Variants in DYSF observed in about 807,000 individuals in gnomAD.
DYSF encodes the protein dystrophy-associated fer-1-like 1.
A neutral mutation model predicts 274.9 loss-of-function variants in DYSF; 212 were observed. The observed-to-expected ratio is 0.77, with a 90% CI of 0.69 to 0.86. DYSF has a LOEUF of 0.86. Ranked by LOEUF, DYSF falls within the 40% of genes least tolerant of loss-of-function variation. The pLI is 0.00. For synonymous variants in DYSF, 1,091 were observed against 1,078.7 expected (o/e 1.01, Z -0.22); for missense variants, 2,666 against 2,783.2 (o/e 0.96, Z 0.95).
At chr2:71,672,092 C>T (rs558363607) in intron 51 of DYSF, among the ~76,000 whole-genome samples, 7 of 150,428 alleles carry the variant, frequency 4.7e-5, no homozygotes, top group East Asian at 1.9e-4. Flanking sequence ...GAAGGAGGGG[C>T]GGAGAAGGTC....
intron 41 of DYSF, among the ~76,000 whole-genome samples, chr2:71,632,853 C>T (rs1297189065): frequency 1.3e-5 from 2 of 152,238 alleles, no homozygotes; most frequent in African/African-American, 2.4e-5. Flanking sequence ...CCCCGACTCT[C>T]TGTGAGTCCC....
chr2:71,519,263 A>G, intron 10 of DYSF, among the ~76,000 whole-genome samples: 1 of 152,136 alleles, frequency 6.6e-6, no homozygotes, highest in East Asian at 1.9e-4. Flanking sequence ...TTTTAAAAGA[A>G]TGAGCTTGAG....
chr2:71,549,508 C>T (rs892377109), intron 17 of DYSF: 5 of 1,008,792 alleles, frequency 5.0e-6, no homozygotes, highest in Non-Finnish European at 7.6e-6. Flanking sequence ...ATTGAGATTC[C>T]CCCACAAAGG....
intron 16 of DYSF, among the ~76,000 whole-genome samples, chr2:71,537,088 C>A (rs2089419527): frequency 1.3e-5 from 2 of 152,092 alleles, no homozygotes; most frequent in African/African-American, 2.4e-5. Flanking sequence ...GGTCAGAAAT[C>A]CAATTCCTTT....
At chr2:71,561,620 C>A (rs994711042) in intron 22 of DYSF, 132 bp from the exon 23 acceptor site, 5 of 970,436 alleles carry the variant, frequency 5.2e-6, no homozygotes, top group African/African-American at 1.6e-5. Flanking sequence ...GTGTGTGGAG[C>A]GGGCTGGAGA....
chr2:71,660,584 A>G lies in DYSF; in HGVS notation c.4936A>G (p.Ile1646Val), dbSNP rs138357301. 2.3e-4 allele frequency: 372 copies of G among 1,613,252 alleles called. No homozygotes were observed. The highest frequency in any genetic ancestry group is 3.0e-4 in the Non-Finnish European group (349 of 1,179,412). ...GTGTGATCCTTACATCAAGATCTCC[A>G]TAGGGAAGAAATCAGTGAGTGACCA... is the stretch of plus-strand genomic sequence containing the variant. ...GKCDPYIKISIGKKSVSDQDN... is the reference protein window; with the variant it reads ...GKCDPYIKISVGKKSVSDQDN... Residue 1646 changes from isoleucine (I) to valine (V), a missense_variant, in exon 45 of 56, where the codon ATA (isoleucine) becomes GTA (valine). By Grantham distance (29) the Ile-to-Val change is conservative. Coordinates refer to ENST00000410020, the MANE Select transcript of DYSF (RefSeq NM_001130987.2).
intron 55 of DYSF, among the ~76,000 whole-genome samples, chr2:71,684,806 G>A (rs1394243659): frequency 6.6e-6 from 1 of 152,204 alleles, no homozygotes; most frequent in Non-Finnish European, 1.5e-5. Flanking sequence ...CTGGAGTCAG[G>A]ATTATGGACT....
rs2086615310 is a variant in DYSF, at chr2:71,516,037, C to T, written c.889-143C>T. 5 of 952,008 alleles carry T rather than the reference C, an allele frequency of 5.3e-6. No individual in the cohort carries two copies. In the Admixed American group the frequency reaches 5.9e-5, roughly 11 times the overall value. The allele number at this position is 952,008 out of a possible 1,614,324, so 59.0% of individuals were successfully genotyped here. On this transcript the variant is annotated intron_variant, in intron 8 of 55. Transcript: ENST00000410020. ...GGGGCAGATCACCCCAGAACTTGTC[C>T]AATCCCCAGAACTGTGCCCAATCCA...
intron 8 of DYSF, 140 bp from the exon 9 acceptor site, chr2:71,516,040 T>C (rs1244746765): frequency 3.9e-5 from 37 of 954,954 alleles, no homozygotes; most frequent in Non-Finnish European, 1.2e-5. Flanking sequence ...ACTTGTCCAA[T>C]CCCCAGAACT....
chr2:71,668,430 C>T (rs2152955105), intron 48 of DYSF, among the ~76,000 whole-genome samples: 1 of 152,260 alleles, frequency 6.6e-6, no homozygotes, highest in Non-Finnish European at 1.5e-5. Flanking sequence ...CTTCTGAGCC[C>T]TCCATAACTG....
chr2:71,577,539 CTA>C (rs1490882414), intron 30 of DYSF, among the ~76,000 whole-genome samples: 1 of 150,962 alleles, frequency 6.6e-6, no homozygotes, highest in Non-Finnish European at 1.5e-5. Context: ...CACTCTCACA[CTA>C]ACACGTACAC....
At chr2:71,524,657 G>A (rs749241018) in intron 12 of DYSF, among the ~76,000 whole-genome samples, 9 of 152,184 alleles carry the variant, frequency 5.9e-5, no homozygotes, top group East Asian at 1.9e-4. Flanking sequence ...CTGTCCCTTC[G>A]CTGCTCGCTA....
Position 71,500,887 on chromosome 2 carries a change from A to G in DYSF, c.240-2327A>G, listed in dbSNP as rs575977076. Among the ~76,000 whole-genome samples the G allele has an allele frequency of 2.2e-4, 34 of 152,022 alleles. 1 individual carries two copies. Among genetic ancestry groups the G allele is most frequent in the Admixed American group, 9.8e-4 (15 of 15,270 alleles). ...CTGACTCAGCCATTCTCCTGCTTGA[A>G]CAAGTCACTCCCCTCTGCCACCCCA... On this transcript the variant is annotated intron_variant, in intron 3 of 55. Transcript: ENST00000410020.
At chr2:71,624,546 C>T (rs1384160247) in intron 41 of DYSF, among the ~76,000 whole-genome samples, 2 of 152,136 alleles carry the variant, frequency 1.3e-5, no homozygotes, top group Admixed American at 1.3e-4. Context: ...CCCTAAAATA[C>T]ACCAGAGCCA....
chr2:71,669,768 T>C, intron 51 of DYSF, 22 bp downstream of exon 51: 2 of 1,614,154 alleles, frequency 1.2e-6, no homozygotes, highest in Non-Finnish European at 1.7e-6. Context: ...TCCGATTCCC[T>C]GTGGTGCCAG....
At chr2:71,484,298 C>T (rs2083193178) in intron 3 of DYSF, among the ~76,000 whole-genome samples, 1 of 152,090 alleles carries the variant, frequency 6.6e-6, no homozygotes, top group Non-Finnish European at 1.5e-5. Flanking sequence ...GGTGATCCTC[C>T]TGGCTCAGCC....
chr2:71,507,416 C>T (rs1330630385), intron 4 of DYSF, among the ~76,000 whole-genome samples: 2 of 152,224 alleles, frequency 1.3e-5, no homozygotes, highest in Non-Finnish European at 2.9e-5. Flanking sequence ...CCTTCTTGCT[C>T]TGGTTTACTT....
rs528612746 is a variant in DYSF, at chr2:71,672,486, G to A, written c.5785-1711G>A. 2.6e-5 allele frequency among the ~76,000 whole-genome samples: 4 copies of A among 152,296 alleles called. No homozygotes were observed. In the South Asian group the frequency reaches 6.2e-4, roughly 24 times the overall value. On this transcript the variant is annotated intron_variant, in intron 51 of 55. Coordinates refer to ENST00000410020, the MANE Select transcript of DYSF (RefSeq NM_001130987.2). ...AGTACAAGGTCTCCTTTCATCCGGC[G>A]GCTTTGAACCACCACTGGTTGCCCC...
intron 3 of DYSF, among the ~76,000 whole-genome samples, chr2:71,497,152 A>G (rs2084484279): frequency 2.0e-5 from 3 of 152,202 alleles, no homozygotes. Flanking sequence ...GCCAAGATAG[A>G]GCTGATTTAT....
Sources: gnomAD v4.1 joint callset for allele counts (sites outside exome capture counted in the v4.1 genomes callset) on GRCh38, gnomAD v4.1.1 for gene constraint, MANE v1.5 for transcripts, NCBI Gene and HGNC (gene_info 2026-07-23, HGNC 2026-07-21) for gene names.